Variants in ADAMTS2 observed in about 807,000 individuals in gnomAD.
ADAMTS2 encodes the protein A disintegrin and metalloproteinase with thrombospondin motifs 2.
A neutral mutation model predicts 123.0 loss-of-function variants in ADAMTS2; 50 were observed. The ratio of observed to expected loss-of-function variants is 0.41; its 90% CI spans 0.32 to 0.51. ADAMTS2 has a LOEUF of 0.51. Ranked by LOEUF, ADAMTS2 falls within the 20% of genes least tolerant of loss-of-function variation. The probability of loss-of-function intolerance (pLI) is 0.35; values close to 1 mark genes in which losing one functional copy is unlikely to be tolerated. For missense variants in ADAMTS2, 1,494 were observed against 1,705.2 expected (o/e 0.88, Z 2.18); for synonymous variants, 678 against 695.4 (o/e 0.98, Z 0.39).
At chr5:179,123,516 C>G (rs577888790) in intron 19 of ADAMTS2, among the ~76,000 whole-genome samples, 29 of 152,240 alleles carry the variant, frequency 1.9e-4, no homozygotes, top group Non-Finnish European at 2.6e-4. Context: ...ACCTCCACCT[C>G]CCAGGCTCAA....
At chr5:179,248,280 CAAT>C (rs1274239970) in intron 3 of ADAMTS2, among the ~76,000 whole-genome samples, 1 of 151,894 alleles carries the variant, frequency 6.6e-6, no homozygotes, top group Non-Finnish European at 1.5e-5. Flanking sequence ...CACTAAAAAA[CAAT>C]GTGTTAAACA....
At chr5:179,173,184 T>A (rs1763859124) in intron 5 of ADAMTS2, among the ~76,000 whole-genome samples, 1 of 151,120 alleles carries the variant, frequency 6.6e-6, no homozygotes, top group Non-Finnish European at 1.5e-5. Context: ...TCCACTCTAG[T>A]CTGGGCAACA....
chr5:179,244,350 A>G (rs988703740), intron 3 of ADAMTS2, among the ~76,000 whole-genome samples: 5 of 152,254 alleles, frequency 3.3e-5, no homozygotes, highest in African/African-American at 1.2e-4. Flanking sequence ...GGAAGCCAGA[A>G]GGCAGCAGAA....
intron 2 of ADAMTS2, among the ~76,000 whole-genome samples, chr5:179,328,189 C>T (rs1015663704): frequency 3.9e-5 from 6 of 152,176 alleles, no homozygotes; most frequent in East Asian, 3.9e-4. Context: ...CGCACCACCA[C>T]GCCCGGCTAA....
At chr5:179,140,107 C>T in intron 10 of ADAMTS2, 72 bp from the exon 11 acceptor site, 2 of 1,605,150 alleles carry the variant, frequency 1.2e-6, no homozygotes, top group Non-Finnish European at 1.7e-6. Context: ...CGCTCTGCAG[C>T]CTGCAGTGTC....
At chr5:179,187,582 A>G (rs1451063703) in intron 4 of ADAMTS2, among the ~76,000 whole-genome samples, 1 of 152,032 alleles carries the variant, frequency 6.6e-6, no homozygotes, top group Non-Finnish European at 1.5e-5. Context: ...GCCCCCAGCT[A>G]AGGGCCTCCC....
Position 179,234,334 on chromosome 5 carries a change from C to T in ADAMTS2, c.689-26619G>A, listed in dbSNP as rs1765478880. ...GCATGGAGAAGGCCTCACCATGCAT[C>T]TCAGAGAGAAGTGGAGGCTGCACCC... is the stretch of plus-strand genomic sequence containing the variant. On this transcript the variant is annotated intron_variant, in intron 3 of 21. Transcript: ENST00000251582. This position sits in a 1 kb window ranked among gnomAD's most constrained non-coding sequence, Gnocchi z 4.7. Among the ~76,000 whole-genome samples the T allele has an allele frequency of 6.6e-6, 1 of 152,166 alleles. No individual in the cohort carries two copies. Among genetic ancestry groups the T allele is most frequent in the African/African-American group, 2.4e-5 (1 of 41,430 alleles).
chr5:179,188,099 A>G lies in ADAMTS2; in HGVS notation c.892-6944T>C, dbSNP rs1764217399. 6.6e-6 allele frequency among the ~76,000 whole-genome samples: 1 copy of G among 152,152 alleles called. No individual in the cohort carries two copies. The highest frequency in any genetic ancestry group is 2.4e-5 in the African/African-American group (1 of 41,438). ...GGGGAGGCCTACTGGCCTGCCAGCC[A>G]CAGAGGAGACAGGCAGGGGCCCTGG... is the stretch of plus-strand genomic sequence containing the variant. On this transcript the variant is annotated intron_variant, in intron 4 of 21. Coordinates refer to ENST00000251582, the MANE Select transcript of ADAMTS2 (RefSeq NM_014244.5). The surrounding 1 kb of genome is among the most constrained non-coding windows in gnomAD (Gnocchi z 5.1).
chr5:179,136,177 AAG>A, intron 12 of ADAMTS2, 135 bp from the exon 13 acceptor site: 1 of 1,288,304 alleles, frequency 7.8e-7, no homozygotes, highest in Non-Finnish European at 1.1e-6. Flanking sequence ...CAGAGAGGGA[AAG>A]GGGTGGGTGA....
intron 5 of ADAMTS2, among the ~76,000 whole-genome samples, chr5:179,169,166 G>A (rs1763767742): frequency 6.6e-6 from 1 of 152,202 alleles, no homozygotes; most frequent in Admixed American, 6.5e-5. Flanking sequence ...GAGGTCATTA[G>A]GTCATGAGGG....
rs1764247386 is a variant in ADAMTS2, at chr5:179,189,384, G to A, written c.892-8229C>T. ...TTTTTTTGAGACGGAGTCTCTCTCTGTTGCCCAGGTTGGAGTGCAGTGGCA... is the reference window on the plus strand; with the variant it reads ...TTTTTTTGAGACGGAGTCTCTCTCTATTGCCCAGGTTGGAGTGCAGTGGCA... On this transcript the variant is annotated intron_variant, in intron 4 of 21. Transcript: ENST00000251582. The surrounding 1 kb of genome is among the most constrained non-coding windows in gnomAD (Gnocchi z 4.2). Among the ~76,000 whole-genome samples, 1 of 150,564 alleles carries A rather than the reference G, an allele frequency of 6.6e-6. No homozygotes were observed. The highest frequency in any genetic ancestry group is 2.4e-5 in the African/African-American group (1 of 40,824).
intron 2 of ADAMTS2, among the ~76,000 whole-genome samples, chr5:179,301,214 C>T (rs530955710): frequency 4.6e-5 from 7 of 151,898 alleles, no homozygotes; most frequent in African/African-American, 1.7e-4. Flanking sequence ...GGCTGTCATC[C>T]CTGAACATCC....
chr5:179,205,480 C>T (rs374001436), intron 4 of ADAMTS2, among the ~76,000 whole-genome samples: 6 of 152,350 alleles, frequency 3.9e-5, no homozygotes, highest in African/African-American at 9.6e-5. Context: ...GCTCAGAGGA[C>T]GGGAGCAGCG....
intron 3 of ADAMTS2, among the ~76,000 whole-genome samples, chr5:179,229,388 C>T (rs112917110): frequency 1.3e-4 from 4 of 31,230 alleles, no homozygotes; most frequent in African/African-American, 3.3e-4. Context: ...CACGAGACCC[C>T]GCTGCCCACT....
intron 5 of ADAMTS2, among the ~76,000 whole-genome samples, chr5:179,177,686 A>G (rs1331735066): frequency 1.3e-5 from 2 of 152,230 alleles, no homozygotes; most frequent in East Asian, 1.9e-4. Context: ...TCTCACCTTC[A>G]GGGTTTGACT....
chr5:179,191,731 C>T (rs1012309645), intron 4 of ADAMTS2, among the ~76,000 whole-genome samples: 1 of 152,134 alleles, frequency 6.6e-6, no homozygotes, highest in African/African-American at 2.4e-5. Context: ...AGATAGTCCC[C>T]GGGGTTCTGG....
chr5:179,134,234 T>A (rs928833799), intron 13 of ADAMTS2, among the ~76,000 whole-genome samples: 1 of 152,108 alleles, frequency 6.6e-6, no homozygotes, highest in Non-Finnish European at 1.5e-5. Flanking sequence ...TTAAAAATCT[T>A]CCTGTCTGGG....
intron 4 of ADAMTS2, among the ~76,000 whole-genome samples, chr5:179,200,642 G>A (rs959788792): frequency 6.6e-6 from 1 of 152,166 alleles, no homozygotes; most frequent in African/African-American, 2.4e-5. Context: ...TGGAGCTTGG[G>A]AAGTACAGCT....
chr5:179,137,827 G>A lies in ADAMTS2; in HGVS notation c.1893C>T (p.Asp631=). The change falls in exon 12 of 22, where the codon GAC becomes GAT. Residue 631 remains aspartate (D), a synonymous_variant. Coordinates refer to ENST00000251582, the MANE Select transcript of ADAMTS2 (RefSeq NM_014244.5). ...GGGCGTCGCCGTGCTCGAAGTACAG[G>A]TCCCACTGGCGGCACTGCTCCTCGC... ...DFREEQCRQW[D]LYFEHGDAQH... The A allele has an allele frequency of 6.3e-7, 1 of 1,577,600 alleles. No homozygotes were observed. Among genetic ancestry groups the A allele is most frequent in the Admixed American group, 1.8e-5 (1 of 55,670 alleles).
Sources: gnomAD v4.1 joint callset for allele counts (sites outside exome capture counted in the v4.1 genomes callset) on GRCh38, gnomAD v4.1.1 for gene constraint, Gnocchi (gnomAD v3.1) non-coding constraint, MANE v1.5 for transcripts, NCBI Gene and HGNC (gene_info 2026-07-23, HGNC 2026-07-21) for gene names.